The following MROH1 variants were observed in gnomAD, a reference collection of about 807,000 sequenced individuals.
MROH1 encodes the protein maestro heat-like repeat-containing protein family member 1.
In MROH1, 117 loss-of-function variants were observed where a neutral mutation model predicts 116.5. The observed-to-expected ratio is 1.00, with a 90% confidence interval of 0.86 to 1.17. The LOEUF is 1.17. Ranked by LOEUF, MROH1 falls within the 50% of genes most tolerant of loss-of-function variation. MROH1 has a pLI of 0.00. For missense variants in MROH1, 1,873 were observed against 1,338.5 expected (o/e 1.40, Z -6.23); for synonymous variants, 921 against 583.9 (o/e 1.58, Z -8.32).
chr8:144,255,906 T>G (rs1050302364), intron 35 of MROH1, among the ~76,000 whole-genome samples: 7 of 152,042 alleles, frequency 4.6e-5, no homozygotes, highest in African/African-American at 1.7e-4. Context: ...TCACACTGGC[T>G]GTGAAGGCCT....
At chr8:144,155,825 G>A (rs1016813670) in intron 1 of MROH1, among the ~76,000 whole-genome samples, 1 of 151,726 alleles carries the variant, frequency 6.6e-6, no homozygotes, top group East Asian at 2.0e-4. Context: ...TAGAGACAGG[G>A]TTTCAACATG....
At chr8:144,153,034 C>T (rs1817219479) in intron 1 of MROH1, among the ~76,000 whole-genome samples, 1 of 152,164 alleles carries the variant, frequency 6.6e-6, no homozygotes, top group East Asian at 1.9e-4. Context: ...TCCACCTCTG[C>T]CAGCCCCGGT....
chr8:144,238,254 G>A (rs1051138775), intron 14 of MROH1, among the ~76,000 whole-genome samples: 29 of 151,194 alleles, frequency 1.9e-4, no homozygotes, highest in Admixed American at 1.5e-3. Flanking sequence ...CAAATATGCC[G>A]CTTTGTGGTT....
intron 14 of MROH1, among the ~76,000 whole-genome samples, chr8:144,234,498 G>GTTTTTTTTTTTTTTTGTT (rs1839632632): frequency 5.5e-5 from 1 of 18,090 alleles, no homozygotes; most frequent in Admixed American, 8.2e-4. Flanking sequence ...TTTCTTTTTC[G>GTTTTTTTTTTTTTTTGTT]TTTTTTTTTT....
At chr8:144,202,804 A>C (rs562744985) in intron 12 of MROH1, among the ~76,000 whole-genome samples, 89 of 14,472 alleles carry the variant, frequency 6.1e-3, no homozygotes, top group Middle Eastern at 0.045. Flanking sequence ...AGGGAAGCGC[A>C]GGCTCTCTGT....
intron 12 of MROH1, among the ~76,000 whole-genome samples, chr8:144,206,425 C>CTT (rs1054589954): frequency 8.0e-5 from 11 of 137,604 alleles, no homozygotes; most frequent in African/African-American, 2.4e-4. Context: ...TGTTCATGTT[C>CTT]TTTTTTTTTT....
At chr8:144,256,004 G>A (rs1466085702) in intron 35 of MROH1, among the ~76,000 whole-genome samples, 7 of 152,340 alleles carry the variant, frequency 4.6e-5, no homozygotes, top group South Asian at 4.1e-4. Flanking sequence ...GGCAGGATCC[G>A]GGTGGTGCCT....
intron 22 of MROH1, 31 bp downstream of exon 22, chr8:144,241,548 C>T (rs934329579): frequency 4.0e-5 from 31 of 777,020 alleles, no homozygotes; most frequent in Middle Eastern, 3.5e-4. Flanking sequence ...GGGCTGGGGA[C>T]GGCTGTCTAT....
intron 3 of MROH1, among the ~76,000 whole-genome samples, chr8:144,166,716 C>T (rs946262244): frequency 4.0e-5 from 6 of 151,766 alleles, no homozygotes; most frequent in East Asian, 3.9e-4. Context: ...GCTGGGGCGC[C>T]GCCCAGCCAG....
chr8:144,217,609 T>C (rs917960222), intron 12 of MROH1, among the ~76,000 whole-genome samples: 1 of 152,190 alleles, frequency 6.6e-6, no homozygotes, highest in African/African-American at 2.4e-5. Flanking sequence ...TGTTTTTTCT[T>C]TTCTTTTCTT....
rs1424127412 is a variant in MROH1, at chr8:144,258,796, C to T, written c.3811C>T (p.Arg1271Trp). 7 of 767,714 alleles carry T rather than the reference C, an allele frequency of 9.1e-6. No individual in the cohort carries two copies. Among genetic ancestry groups the T allele is most frequent in the East Asian group, 2.5e-5 (1 of 40,790 alleles). 47.6% of individuals were successfully genotyped at this position (767,714 alleles called of 1,614,324 possible). ...EPCSSAVDTL[R>W]SMLLRSGSED... ...CTGCAGCTCTGCAGTGGACACCCTG[C>T]GGTCCATGCTACTCCGCAGCGGCAG... The change falls in exon 36 of 44, where the codon CGG becomes TGG. Residue 1271 changes from arginine to tryptophan, a missense_variant. By Grantham distance (101) the Arg-to-Trp change is moderately radical. Coordinates refer to ENST00000326134, the MANE Select transcript of MROH1 (RefSeq NM_032450.3).
Position 144,250,381 on chromosome 8 carries a change from C to A in MROH1, c.3428+15C>A. 1.3e-6 allele frequency: 1 copy of A among 755,826 alleles called. No individual in the cohort carries two copies. Among genetic ancestry groups the A allele is most frequent in the Non-Finnish European group, 2.4e-6 (1 of 410,138 alleles). 46.8% of individuals were successfully genotyped at this position (755,826 alleles called of 1,614,324 possible). ...CCCTTGGACAGGTACCCAGCTCAGA[C>A]TCCAGGCTTAGGGGTCCCTCTGGAA... is the stretch of plus-strand genomic sequence containing the variant. On this transcript the variant is annotated intron_variant, in intron 33 of 43. Transcript: ENST00000326134.
intron 12 of MROH1, among the ~76,000 whole-genome samples, chr8:144,206,682 C>G (rs2132000316): frequency 6.6e-6 from 1 of 151,670 alleles, no homozygotes; most frequent in South Asian, 2.1e-4. Context: ...CCTCGGTCTC[C>G]CAAAGTGCTG....
intron 13 of MROH1, among the ~76,000 whole-genome samples, chr8:144,222,583 G>A (rs1588301936): frequency 6.6e-6 from 1 of 152,054 alleles, no homozygotes; most frequent in South Asian, 2.1e-4. Flanking sequence ...TGTGAGTGCA[G>A]GCTTAGGTGT....
chr8:144,152,143 T>C (rs1816952866), intron 1 of MROH1, among the ~76,000 whole-genome samples: 1 of 152,154 alleles, frequency 6.6e-6, no homozygotes, highest in Admixed American at 6.6e-5. Flanking sequence ...CAATAAGAGG[T>C]TGACAGCAAT....
At chr8:144,153,201 C>CT (rs1186362093) in intron 1 of MROH1, among the ~76,000 whole-genome samples, 2,085 of 145,256 alleles carry the variant, frequency 0.014, 43 homozygotes, top group African/African-American at 0.045. Flanking sequence ...GGAATTCCTT[C>CT]TTTTTTTTTT....
chr8:144,210,346 G>C (rs1002686884), intron 12 of MROH1, among the ~76,000 whole-genome samples: 6 of 151,796 alleles, frequency 4.0e-5, no homozygotes, highest in African/African-American at 1.5e-4. Flanking sequence ...GCTGAGGCAG[G>C]AGAATTGCTT....
In MROH1 at chr8:144,180,362, C is replaced by T. The variant is rs369015279; in HGVS notation, c.463+22C>T. On this transcript the variant is annotated intron_variant, in intron 6 of 43. Coordinates refer to ENST00000326134, the MANE Select transcript of MROH1 (RefSeq NM_032450.3). This position sits in a 1 kb window ranked among gnomAD's most constrained non-coding sequence, Gnocchi z 7.4. ...AACGGTAGGTGACGCGCGGCCTGCC[C>T]CAGGAGGAGCACGGGGCGCTGGAAG... 2 of 1,608,246 alleles carry T rather than the reference C, an allele frequency of 1.2e-6. No homozygotes were observed. The highest frequency in any genetic ancestry group is 4.5e-5 in the East Asian group (2 of 44,820).
At chr8:144,205,601 T>C (rs1435770386) in intron 12 of MROH1, among the ~76,000 whole-genome samples, 1 of 152,040 alleles carries the variant, frequency 6.6e-6, no homozygotes, top group Non-Finnish European at 1.5e-5. Flanking sequence ...TGTGTCTCAG[T>C]GTTGGCTATT....
Sources: gnomAD v4.1 joint callset for allele counts (sites outside exome capture counted in the v4.1 genomes callset) on GRCh38, gnomAD v4.1.1 for gene constraint, Gnocchi (gnomAD v3.1) non-coding constraint, MANE v1.5 for transcripts, NCBI Gene and HGNC (gene_info 2026-07-23, HGNC 2026-07-21) for gene names.